The following WWOX variants were observed in gnomAD, a reference collection of about 807,000 sequenced individuals.
The protein encoded by WWOX is WW domain-containing oxidoreductase.
A neutral mutation model predicts 46.2 loss-of-function variants in WWOX; 69 were observed. The observed-to-expected ratio is 1.49, with a 90% CI of 1.23 to 1.82. WWOX has a LOEUF of 1.82. Ranked by LOEUF, WWOX falls within the 40% of genes most tolerant of loss-of-function variation. WWOX has a pLI of 0.00. For synonymous variants in WWOX, 359 were observed against 202.6 expected (o/e 1.77, Z -6.56); for missense variants, 919 against 542.6 (o/e 1.69, Z -6.89).
intron 5 of WWOX, chr16:78,265,001 C>CTTTTTTTTTTTTTTTT (rs35911801): frequency 1.4e-5 from 1 of 69,420 alleles, no homozygotes; most frequent in Non-Finnish European, 2.6e-5. Flanking sequence ...TTCTTTCTTT[C>CTTTTTTTTTTTTTTTT]TTTTTTTTTT....
At chr16:78,472,245 C>A (rs58682445) in intron 8 of WWOX, among the ~76,000 whole-genome samples, 49,046 of 151,792 alleles carry the variant, frequency 0.32, 10,496 homozygotes, top group African/African-American at 0.62. Context: ...GACCTGCTGT[C>A]TTAATGATGG....
chr16:78,145,773 T>A (rs1344879063), intron 4 of WWOX: 1 of 152,162 alleles, frequency 6.6e-6, no homozygotes, highest in Non-Finnish European at 1.5e-5. Context: ...CCCCTTTTCA[T>A]AAGGACACCA....
chr16:78,869,740 T>G (rs1032636741), intron 8 of WWOX, among the ~76,000 whole-genome samples: 17 of 152,348 alleles, frequency 1.1e-4, no homozygotes, highest in South Asian at 2.1e-4. Flanking sequence ...AGATTTCTAG[T>G]TTCTAAACAA....
At chr16:78,708,658 C>T (rs1288307988) in intron 8 of WWOX, among the ~76,000 whole-genome samples, 2 of 152,132 alleles carry the variant, frequency 1.3e-5, no homozygotes, top group Admixed American at 1.3e-4. Context: ...TGTGGTGGAC[C>T]ACTGGGATTA....
At chr16:78,371,972 G>C (rs1194051538) in intron 5 of WWOX, among the ~76,000 whole-genome samples, 1 of 152,304 alleles carries the variant, frequency 6.6e-6, no homozygotes, top group South Asian at 2.1e-4. Flanking sequence ...GTTGAGGCTG[G>C]AAATAGACAT....
At chr16:78,633,964 T>TGTCCTTTTATTAGTCTGAGC in intron 8 of WWOX, among the ~76,000 whole-genome samples, 2 of 150,468 alleles carry the variant, frequency 1.3e-5, no homozygotes, top group African/African-American at 4.9e-5. Context: ...AAAGGCTGAG[T>TGTCCTTTTATTAGTCTGAGC]GTCCTTTTAT....
chr16:78,252,740 T>A (rs1833073675), intron 5 of WWOX, among the ~76,000 whole-genome samples: 1 of 152,196 alleles, frequency 6.6e-6, no homozygotes, highest in Non-Finnish European at 1.5e-5. Context: ...AATACATATT[T>A]ACAGTGACAA....
chr16:78,648,200 AC>A lies in WWOX; in HGVS notation c.1056+215450del, dbSNP rs781560833. 4.9e-4 allele frequency among the ~76,000 whole-genome samples: 75 copies of A among 152,238 alleles called. 2 individuals are homozygous for A. The highest frequency in any genetic ancestry group is 9.1e-4 in the Non-Finnish European group (62 of 68,006). ...AACGGCTATTTCTTTAGGACGTCAAACCACCTTTTTCCTCTCTAATTCATGC... is the reference window on the plus strand; with the variant it reads ...AACGGCTATTTCTTTAGGACGTCAAACACCTTTTTCCTCTCTAATTCATGC... On this transcript the variant is annotated intron_variant, in intron 8 of 8. Coordinates refer to ENST00000566780, the MANE Select transcript of WWOX (RefSeq NM_016373.4).
rs150878515 is a variant in WWOX, at chr16:78,102,884, G to C, written c.107+2999G>C. 1.8e-3 allele frequency among the ~76,000 whole-genome samples: 281 copies of C among 152,268 alleles called. 2 individuals are homozygous for C. The highest frequency in any genetic ancestry group is 6.5e-3 in the African/African-American group (272 of 41,554). On this transcript the variant is annotated intron_variant, in intron 1 of 8. Transcript: ENST00000566780. ...GAGGGTCAGCCGCAGGCTTCTGTGGGTGGGTGGGTGGTGCACTGGGCCCCA... is the reference window on the plus strand; with the variant it reads ...GAGGGTCAGCCGCAGGCTTCTGTGGCTGGGTGGGTGGTGCACTGGGCCCCA...
chr16:79,146,969 A>G (rs369383876), intron 8 of WWOX, among the ~76,000 whole-genome samples: 5 of 152,210 alleles, frequency 3.3e-5, no homozygotes, highest in African/African-American at 9.6e-5. Context: ...ATAATATACA[A>G]TGATTCCTCA....
chr16:78,505,964 A>G (rs916540846), intron 8 of WWOX, among the ~76,000 whole-genome samples: 8 of 152,182 alleles, frequency 5.3e-5, no homozygotes, highest in Non-Finnish European at 1.0e-4. Flanking sequence ...CCTTGGCTGA[A>G]CGCCAGAGGA....
chr16:78,734,058 T>TG (rs1200989806), intron 8 of WWOX, among the ~76,000 whole-genome samples: 2 of 150,088 alleles, frequency 1.3e-5, no homozygotes, highest in Admixed American at 6.8e-5. Context: ...AGATCCTGTC[T>TG]GGAAAAAAAA....
chr16:78,342,871 A>G (rs2081039889), intron 5 of WWOX, among the ~76,000 whole-genome samples: 1 of 120,758 alleles, frequency 8.3e-6, no homozygotes, highest in African/African-American at 2.8e-5. Flanking sequence ...GGGACCCAGA[A>G]TGATCCCTTT....
At chr16:78,713,036 G>A (rs2048477043) in intron 8 of WWOX, among the ~76,000 whole-genome samples, 1 of 152,036 alleles carries the variant, frequency 6.6e-6, no homozygotes, top group Admixed American at 6.6e-5. Context: ...TTGACAGGCT[G>A]AGGGAGGAGA....
chr16:78,514,181 C>T (rs922022676), intron 8 of WWOX, among the ~76,000 whole-genome samples: 6 of 152,184 alleles, frequency 3.9e-5, no homozygotes, highest in African/African-American at 1.4e-4. Context: ...CTTTCAGATA[C>T]AGCAACCTAG....
At chr16:78,810,797 A>G (rs112389319) in intron 8 of WWOX, among the ~76,000 whole-genome samples, 1 of 152,148 alleles carries the variant, frequency 6.6e-6, no homozygotes, top group Non-Finnish European at 1.5e-5. Context: ...CATCTTATGC[A>G]GGGGGGAAAA....
chr16:78,276,423 G>C (rs1205098328), intron 5 of WWOX, among the ~76,000 whole-genome samples: 1 of 152,162 alleles, frequency 6.6e-6, no homozygotes, highest in East Asian at 1.9e-4. Context: ...ATTTAATCAG[G>C]CACTGTGTGT....
At chr16:78,428,195 C>G (rs1401407320) in intron 7 of WWOX, among the ~76,000 whole-genome samples, 19 of 152,210 alleles carry the variant, frequency 1.2e-4, no homozygotes, top group Non-Finnish European at 1.5e-5. Flanking sequence ...TTTTAATGTA[C>G]TAGTAAGGGA....
chr16:78,393,261 G>T (rs902859231), intron 6 of WWOX, among the ~76,000 whole-genome samples: 1 of 152,166 alleles, frequency 6.6e-6, no homozygotes, highest in Non-Finnish European at 1.5e-5. Flanking sequence ...TTCCTTCCTA[G>T]CAGTAGCTGC....
Sources: allele counts gnomAD v4.1 joint callset (sites outside exome capture counted in the v4.1 genomes callset), GRCh38; gene constraint gnomAD v4.1.1; transcripts MANE v1.5; gene names NCBI Gene and HGNC (gene_info 2026-07-23, HGNC 2026-07-21).